The following FGL1 variants were observed in gnomAD, a reference collection of about 807,000 sequenced individuals.
The protein encoded by FGL1 is fibrinogen like 1.
Under a neutral mutation model 43.7 loss-of-function variants are expected in FGL1, and 59 were observed. The ratio of observed to expected loss-of-function variants is 1.35; its 90% CI spans 1.10 to 1.68. The LOEUF is 1.68. Ranked by LOEUF, FGL1 falls within the 40% of genes most tolerant of loss-of-function variation. The pLI is 0.00. For missense variants in FGL1, 596 were observed against 373.0 expected, an observed-to-expected ratio of 1.60 and a Z score of -4.92; for synonymous variants, 192 against 126.5, an observed-to-expected ratio of 1.52 and a Z score of -3.48.
chr8:17,864,461 G>T lies in FGL1; in HGVS notation c.*131C>A. 1.1e-6 allele frequency: 1 copy of T among 922,784 alleles called. No homozygotes were observed. The allele number at this position is 922,784 out of a possible 1,614,324, so 57.2% of individuals were successfully genotyped here. ...ACTGAAAGCACATTAAGTAACAAAG[G>T]CAAGTGAGAAGAATGAAAAGCACTA... is the stretch of plus-strand genomic sequence containing the variant. On this transcript the variant is annotated 3_prime_UTR_variant, in exon 8 of 8. Transcript: ENST00000427924.
intron 3 of FGL1, 89 bp downstream of exon 3, chr8:17,881,910 A>G (rs2053541849): frequency 9.2e-7 from 1 of 1,082,056 alleles, no homozygotes; most frequent in East Asian, 2.4e-5. Flanking sequence ...TGTTACTGAA[A>G]TAGGAAAAGC....
At chr8:17,870,959 G>GCAGAAGAGGACA (rs3831580) in intron 5 of FGL1, among the ~76,000 whole-genome samples, 2 of 151,410 alleles carry the variant, frequency 1.3e-5, no homozygotes, top group Non-Finnish European at 2.9e-5. Flanking sequence ...GCACACACCA[G>GCAGAAGAGGACA]GACGAGAACA....
intron 3 of FGL1, among the ~76,000 whole-genome samples, chr8:17,877,016 G>C (rs148271906): frequency 6.6e-6 from 1 of 152,080 alleles, no homozygotes; most frequent in East Asian, 1.9e-4. Context: ...AAGCAAAAAA[G>C]CACCAGTAGT....
Position 17,874,469 on chromosome 8 carries a change from G to C in FGL1, c.297C>G (p.Ile99Met). The C allele has an allele frequency of 6.2e-7, 1 of 1,614,000 alleles. No individual in the cohort carries two copies. Among genetic ancestry groups the C allele is most frequent in the Non-Finnish European group, 8.5e-7 (1 of 1,179,924 alleles). The change falls in exon 4 of 8, where the codon ATC (isoleucine) becomes ATG (methionine). Residue 99 changes from isoleucine to methionine, a missense_variant. Coordinates refer to ENST00000427924, the MANE Select transcript of FGL1 (RefSeq NM_004467.4). ...DGYKLSGFYK[I>M]KPLQSPAEFS... ...ATTCTGCTGGGCTCTGGAGAGGTTT[G>C]ATTTTGTAAAATCCACTGAGCTTAT... is the stretch of plus-strand genomic sequence containing the variant.
Position 17,895,494 on chromosome 8 carries a change from A to T in FGL1, c.-65T>A, listed in dbSNP as rs2053762292. 2.3e-6 allele frequency: 3 copies of T among 1,286,454 alleles called. No homozygotes were observed. The allele number at this position is 1,286,454 out of a possible 1,614,324, so 79.7% of individuals were successfully genotyped here. ...GACCCAGCTCAGGTTCCATCCAGAC[A>T]CTCTGCTTCCCAGGATCCTGTAACT... On this transcript the variant is annotated 5_prime_UTR_variant, in exon 1 of 8. Coordinates refer to ENST00000427924, the MANE Select transcript of FGL1 (RefSeq NM_004467.4).
chr8:17,891,273 T>C (rs980668654), intron 1 of FGL1: 16 of 152,074 alleles, frequency 1.1e-4, no homozygotes, highest in African/African-American at 3.6e-4. Context: ...AGGATACAAG[T>C]CCAAAATCAA....
chr8:17,891,540 G>T, intron 1 of FGL1: 1 of 263,724 alleles, frequency 3.8e-6, no homozygotes, highest in African/African-American at 2.3e-5. Flanking sequence ...TCAGTTACAT[G>T]TACAAAGACC....
At chr8:17,887,351 T>C (rs925039892) in intron 1 of FGL1, among the ~76,000 whole-genome samples, 1 of 152,096 alleles carries the variant, frequency 6.6e-6, no homozygotes, top group Non-Finnish European at 1.5e-5. Flanking sequence ...CTGGGAGAGG[T>C]ATAAAAGGTA....
At chr8:17,886,779 G>C (rs2053634677) in intron 1 of FGL1, among the ~76,000 whole-genome samples, 1 of 77,880 alleles carries the variant, frequency 1.3e-5, no homozygotes, top group South Asian at 3.3e-4. Flanking sequence ...AATGAGAGGA[G>C]AAGAGAGGAG....
At chr8:17,892,866 A>T (rs2053724674) in intron 1 of FGL1, among the ~76,000 whole-genome samples, 1 of 152,170 alleles carries the variant, frequency 6.6e-6, no homozygotes, top group Non-Finnish European at 1.5e-5. Flanking sequence ...CATTTGTGGG[A>T]TCAAGTACTT....
chr8:17,874,408 A>T lies in FGL1; in HGVS notation c.358T>A (p.Trp120Arg). ...TCAGATCGTCTCTGAATTACAGTCCATCCTCCTCCATCGGACATGTCACAA... is the reference window on the plus strand; with the variant it reads ...TCAGATCGTCTCTGAATTACAGTCCTTCCTCCTCCATCGGACATGTCACAA... The part of the protein sequence containing the change: ...VYCDMSDGGG[W>R]TVIQRRSDGS... Residue 120 changes from tryptophan (W) to arginine (R), a missense_variant, in exon 4 of 8, where the codon TGG becomes AGG. Trp to Arg is a moderately radical substitution (Grantham distance 101). Coordinates refer to ENST00000427924, the MANE Select transcript of FGL1 (RefSeq NM_004467.4). 1 of 1,614,142 alleles carries T rather than the reference A, an allele frequency of 6.2e-7. No individual in the cohort carries two copies. Among genetic ancestry groups the T allele is most frequent in the Non-Finnish European group, 8.5e-7 (1 of 1,179,996 alleles).
intron 3 of FGL1, 35 bp from the exon 4 acceptor site, chr8:17,874,556 T>C (rs747883081): frequency 3.2e-6 from 5 of 1,570,674 alleles, no homozygotes; most frequent in Non-Finnish European, 4.3e-6. Context: ...ACATTCATTA[T>C]GTGTCTTTTT....
chr8:17,881,492 T>C (rs1218616210), intron 3 of FGL1, among the ~76,000 whole-genome samples: 2 of 151,360 alleles, frequency 1.3e-5, no homozygotes, highest in Non-Finnish European at 2.9e-5. Context: ...TGATATAAAT[T>C]CTCAGATATT....
intron 3 of FGL1, 193 bp from the exon 4 acceptor site, chr8:17,874,714 T>C: frequency 2.5e-6 from 1 of 393,070 alleles, no homozygotes; most frequent in East Asian, 3.7e-5. Context: ...TGCTAAAATT[T>C]GCCACCTGAA....
chr8:17,870,419 C>A (rs139506859), intron 5 of FGL1, among the ~76,000 whole-genome samples: 2,408 of 152,272 alleles, frequency 0.016, 32 homozygotes, highest in Non-Finnish European at 0.021. Flanking sequence ...TGTGTTCTAT[C>A]CTCCTACTTT....
chr8:17,893,060 G>A (rs763412845), intron 1 of FGL1, among the ~76,000 whole-genome samples: 1 of 152,088 alleles, frequency 6.6e-6, no homozygotes, highest in Non-Finnish European at 1.5e-5. Flanking sequence ...AATTAGCCAG[G>A]TGTGGTGGCA....
At chr8:17,873,304 T>G (rs1463751591) in intron 5 of FGL1, among the ~76,000 whole-genome samples, 1 of 152,174 alleles carries the variant, frequency 6.6e-6, no homozygotes, top group Non-Finnish European at 1.5e-5. Flanking sequence ...GAACCCTGCC[T>G]GTGCTACAAA....
rs1408266618 is a variant in FGL1 at position 17,868,723 on chromosome 8, A to G, written c.604T>C (p.Leu202=). 1.2e-6 allele frequency: 2 copies of G among 1,610,386 alleles called. No homozygotes were observed. Among genetic ancestry groups the G allele is most frequent in the South Asian group, 1.1e-5 (1 of 90,474 alleles). The part of the protein sequence containing the change: ...KVGDEKNFYE[L]NIGEYSGTAG... ...GTTCCAGAATATTCCCCAATATTCAACTCGTAGAAATTCTAAAGAAAAAGG... is the reference window on the plus strand; with the variant it reads ...GTTCCAGAATATTCCCCAATATTCAGCTCGTAGAAATTCTAAAGAAAAAGG... The change falls in exon 7 of 8, where the codon TTG becomes CTG. Residue 202 remains leucine (L), a synonymous_variant. Transcript: ENST00000427924.
At chr8:17,873,130 C>G (rs1157885833) in intron 5 of FGL1, among the ~76,000 whole-genome samples, 3 of 152,142 alleles carry the variant, frequency 2.0e-5, no homozygotes, top group Non-Finnish European at 2.9e-5. Flanking sequence ...TTGTTCACCT[C>G]TCTCTCATAA....
Sources: allele counts gnomAD v4.1 joint callset (sites outside exome capture counted in the v4.1 genomes callset), GRCh38; gene constraint gnomAD v4.1.1; transcripts MANE v1.5; gene names NCBI Gene and HGNC (gene_info 2026-07-23, HGNC 2026-07-21).